The following SCLT1 variants were observed in gnomAD, a reference collection of about 807,000 sequenced individuals.
The protein encoded by SCLT1 is sodium channel-associated protein 1.
SCLT1 carries 78 observed loss-of-function variants against 112.8 expected under a neutral mutation model. The observed-to-expected ratio is 0.69, with a 90% CI of 0.58 to 0.83. The LOEUF (loss-of-function observed/expected upper bound fraction) is 0.83. SCLT1 is among the 40% of genes least tolerant of loss of function. SCLT1 has a pLI of 0.00. For synonymous variants in SCLT1, 257 were observed against 254.7 expected (o/e 1.01, Z -0.09); for missense variants, 747 against 770.4 (o/e 0.97, Z 0.36).
intron 5 of SCLT1, chr4:128,873,760 T>A (rs1484928483): frequency 6.6e-6 from 1 of 152,470 alleles, no homozygotes; most frequent in African/African-American, 2.4e-5. Flanking sequence ...CCTGATTCAT[T>A]TATACATCTG....
intron 2 of SCLT1, 103 bp from the exon 3 acceptor site, chr4:129,044,154 C>T: frequency 1.7e-6 from 1 of 603,288 alleles, no homozygotes; most frequent in Non-Finnish European, 2.9e-6. Flanking sequence ...ATCTTAGAAA[C>T]TCTATTTATG....
At chr4:129,041,104 A>G (rs1747662040) in intron 4 of SCLT1, among the ~76,000 whole-genome samples, 1 of 152,228 alleles carries the variant, frequency 6.6e-6, no homozygotes, top group African/African-American at 2.4e-5. Flanking sequence ...ATATGTTATT[A>G]CAGGAATTTA....
chr4:129,039,958 A>G, intron 4 of SCLT1: 1 of 523,874 alleles, frequency 1.9e-6, no homozygotes, highest in Non-Finnish European at 3.5e-6. Context: ...ATGTAAAAGC[A>G]TGCAAAATCT....
At chr4:129,069,323 T>C (rs1426501998) in intron 2 of SCLT1, among the ~76,000 whole-genome samples, 2 of 152,166 alleles carry the variant, frequency 1.3e-5, no homozygotes, top group Non-Finnish European at 2.9e-5. Context: ...TAATGGTATT[T>C]TGATGGGAAT....
intron 18 of SCLT1, among the ~76,000 whole-genome samples, chr4:128,903,448 T>C (rs1167480395): frequency 6.6e-6 from 1 of 152,198 alleles, no homozygotes; most frequent in Non-Finnish European, 1.5e-5. Flanking sequence ...TTAGAAAAGT[T>C]CTAATTTTCT....
intron 4 of SCLT1, 176 bp from the exon 5 acceptor site, chr4:129,039,272 A>G (rs1226652440): frequency 4.2e-5 from 21 of 497,376 alleles, no homozygotes; most frequent in Non-Finnish European, 6.9e-5. Context: ...AACAGAACAC[A>G]ATAAAACATT....
chr4:129,076,741 T>C (rs532763149), intron 2 of SCLT1, among the ~76,000 whole-genome samples: 31 of 152,198 alleles, frequency 2.0e-4, no homozygotes, highest in Admixed American at 9.8e-4. Context: ...ACTAAGCTTC[T>C]TAAGCAAATC....
chr4:129,024,877 A>G (rs1043623086), intron 5 of SCLT1, among the ~76,000 whole-genome samples: 2 of 152,182 alleles, frequency 1.3e-5, no homozygotes, highest in African/African-American at 4.8e-5. Context: ...GCTGAAAACC[A>G]AGGCTCGAGA....
intron 9 of SCLT1, among the ~76,000 whole-genome samples, chr4:128,988,647 A>C (rs1742306162): frequency 6.6e-6 from 1 of 151,998 alleles, no homozygotes; most frequent in Admixed American, 6.6e-5. Flanking sequence ...TAATAACATT[A>C]AATGTAACTG....
intron 9 of SCLT1, among the ~76,000 whole-genome samples, chr4:128,973,549 A>C (rs1307112810): frequency 6.6e-6 from 1 of 151,974 alleles, no homozygotes; most frequent in African/African-American, 2.4e-5. Context: ...AGAGAATGTT[A>C]CAGTACAACT....
chr4:129,058,002 G>C (rs1483211020), intron 2 of SCLT1, among the ~76,000 whole-genome samples: 2 of 152,084 alleles, frequency 1.3e-5, no homozygotes, highest in Admixed American at 1.3e-4. Context: ...ACCCACTTTG[G>C]CCTCCCAAAG....
chr4:129,034,392 T>A (rs1162672609), intron 5 of SCLT1, among the ~76,000 whole-genome samples: 5 of 151,832 alleles, frequency 3.3e-5, no homozygotes, highest in African/African-American at 1.2e-4. Flanking sequence ...TGTATAATGT[T>A]ATTTAAATCT....
At chr4:128,885,406 C>T (rs892980349) in intron 20 of SCLT1, among the ~76,000 whole-genome samples, 2 of 152,156 alleles carry the variant, frequency 1.3e-5, no homozygotes, top group Admixed American at 6.5e-5. Flanking sequence ...TGTATTTCTT[C>T]ATTCCTTTAA....
intron 20 of SCLT1, among the ~76,000 whole-genome samples, chr4:128,888,211 GTT>G (rs1225748538): frequency 2.8e-5 from 4 of 144,080 alleles, no homozygotes; most frequent in Admixed American, 1.4e-4. Flanking sequence ...TGTCTTTTCT[GTT>G]TTTTTTTTTT....
chr4:128,970,476 AT>A lies in SCLT1; in HGVS notation c.687-9del. On this transcript the variant is annotated splice_polypyrimidine_tract_variant and intron_variant, in intron 9 of 20. Transcript: ENST00000281142. Reference sequence around the variant, plus strand: ...AGCTCTAATTTGGCTTGCCTAAAAAATAAAGTAAATTAATAAACACTGTTTT... The same window carrying A: ...AGCTCTAATTTGGCTTGCCTAAAAAAAAAGTAAATTAATAAACACTGTTTT... 4.0e-6 allele frequency: 6 copies of A among 1,488,126 alleles called. No homozygotes were observed. Among genetic ancestry groups the A allele is most frequent in the Non-Finnish European group, 5.6e-6 (6 of 1,066,924 alleles). 92.2% of individuals were successfully genotyped at this position (1,488,126 alleles called of 1,614,324 possible). A position where few individuals can be genotyped will look rare whatever the true frequency, so the allele number is the denominator to read the frequency against.
chr4:128,938,956 TG>T (rs1230372682), intron 17 of SCLT1, among the ~76,000 whole-genome samples: 1 of 152,148 alleles, frequency 6.6e-6, no homozygotes, highest in Non-Finnish European at 1.5e-5. Flanking sequence ...CACTCTAGCC[TG>T]GGCAACAGAG....
chr4:129,087,351 T>G (rs1201053128), intron 1 of SCLT1, among the ~76,000 whole-genome samples: 2 of 152,148 alleles, frequency 1.3e-5, no homozygotes, highest in Non-Finnish European at 2.9e-5. Context: ...GTGAATTCTA[T>G]CAAATATTCA....
intron 13 of SCLT1, among the ~76,000 whole-genome samples, chr4:128,953,448 T>C (rs912893548): frequency 3.9e-5 from 6 of 152,156 alleles, no homozygotes; most frequent in Non-Finnish European, 5.9e-5. Context: ...ATGTCTTAAC[T>C]ACAATTATAG....
In SCLT1 at chr4:128,891,969, A is replaced by C. The variant is rs559474187; in HGVS notation, c.1830-832T>G. 4.6e-5 allele frequency among the ~76,000 whole-genome samples: 7 copies of C among 152,122 alleles called. No homozygotes were observed. The South Asian group carries it at 6.2e-4, about 14-fold the overall frequency. On this transcript the variant is annotated intron_variant, in intron 18 of 20. Coordinates refer to ENST00000281142, the MANE Select transcript of SCLT1 (RefSeq NM_144643.4). ...CTTAGTATGCATTTGTAAGATTCAT[A>C]TACAGTGCTTTTTAGGGGAGCTCAA...
Sources: allele counts gnomAD v4.1 joint callset (sites outside exome capture counted in the v4.1 genomes callset), GRCh38; gene constraint gnomAD v4.1.1; transcripts MANE v1.5; gene names NCBI Gene and HGNC (gene_info 2026-07-23, HGNC 2026-07-21).